Variants in CAMTA1 observed in about 807,000 individuals in gnomAD.
The protein encoded by CAMTA1 is calmodulin-binding transcription activator 1.
Under a neutral mutation model 170.9 loss-of-function variants are expected in CAMTA1, and 27 were observed. That is an observed-to-expected ratio of 0.16 (90% confidence interval 0.12 to 0.22). The LOEUF is 0.22. Ranked by LOEUF, CAMTA1 falls within the 10% of genes least tolerant of loss-of-function variation. The pLI, the probability that CAMTA1 is intolerant of heterozygous loss-of-function variation, is 1.00. For missense variants in CAMTA1, 1,619 were observed against 2,217.2 expected (o/e 0.73, Z 5.42); for synonymous variants, 833 against 891.5 (o/e 0.93, Z 1.17).
Position 6,946,177 on chromosome 1 carries a change from T to G in CAMTA1, c.234+120967T>G, listed in dbSNP as rs1043574360. 7.5e-5 allele frequency among the ~76,000 whole-genome samples: 11 copies of G among 146,328 alleles called. 1 individual carries two copies. Among genetic ancestry groups the G allele is most frequent in the Non-Finnish European group, 4.5e-5 (3 of 67,326 alleles). On this transcript the variant is annotated intron_variant, in intron 3 of 22. Coordinates refer to ENST00000303635, the MANE Select transcript of CAMTA1 (RefSeq NM_015215.4). ...ACATCCTCAGGTGATATTATTGTCT[T>G]TCTTTCTCTTCTTTTTTTTTTTTTC...
intron 3 of CAMTA1, among the ~76,000 whole-genome samples, chr1:6,974,434 A>G (rs79726600): frequency 0.014 from 2,109 of 152,346 alleles, 36 homozygotes; most frequent in Middle Eastern, 0.041. Context: ...GGGGTGGCAC[A>G]CAGCATGGTG....
rs146615122 is a variant in CAMTA1, at chr1:7,449,530, A to G, written c.439-18300A>G. Among the ~76,000 whole-genome samples the G allele has an allele frequency of 8.4e-3, 1,286 of 152,210 alleles. 21 individuals are homozygous for G. Among genetic ancestry groups the G allele is most frequent in the African/African-American group, 0.029 (1,223 of 41,530 alleles). ...CAGCCCTATAATCCCAGCACTTTGGAAGGCCAAGGCGGGCGGATCAATTGA... is the reference window on the plus strand; with the variant it reads ...CAGCCCTATAATCCCAGCACTTTGGGAGGCCAAGGCGGGCGGATCAATTGA... On this transcript the variant is annotated intron_variant, in intron 5 of 22. Transcript: ENST00000303635.
At chr1:7,466,260 A>G (rs192896317) in intron 5 of CAMTA1, among the ~76,000 whole-genome samples, 1 of 152,300 alleles carries the variant, frequency 6.6e-6, no homozygotes, top group Non-Finnish European at 1.5e-5. Context: ...AAGAAAGAAT[A>G]TTGCTTTCTT....
chr1:7,571,400 CAG>C (rs1342967731), intron 6 of CAMTA1, among the ~76,000 whole-genome samples: 1 of 152,188 alleles, frequency 6.6e-6, no homozygotes, highest in African/African-American at 2.4e-5. Context: ...ACTTGTGTCA[CAG>C]GGGTTTGGCC....
intron 7 of CAMTA1, among the ~76,000 whole-genome samples, chr1:7,652,345 G>A (rs1332927050): frequency 6.6e-6 from 1 of 152,012 alleles, no homozygotes; most frequent in East Asian, 1.9e-4. Context: ...CCAAGAGCAA[G>A]TCCCCATCAG....
intron 5 of CAMTA1, among the ~76,000 whole-genome samples, chr1:7,434,725 C>G (rs1441241236): frequency 3.3e-5 from 5 of 152,114 alleles, no homozygotes; most frequent in Admixed American, 3.3e-4. Context: ...CCTTCTTGCT[C>G]TGTCCCCGAG....
intron 5 of CAMTA1, among the ~76,000 whole-genome samples, chr1:7,307,544 T>G (rs1398894301): frequency 6.6e-6 from 1 of 152,070 alleles, no homozygotes; most frequent in African/African-American, 2.4e-5. Flanking sequence ...TTCAAGTCTT[T>G]CACCATTAAG....
chr1:7,406,432 C>T (rs766798824), intron 5 of CAMTA1, among the ~76,000 whole-genome samples: 11 of 152,146 alleles, frequency 7.2e-5, no homozygotes, highest in Non-Finnish European at 1.0e-4. Flanking sequence ...GATGAACAAT[C>T]GGGATAGGGA....
chr1:7,699,561 A>T (rs1406409512), intron 11 of CAMTA1, among the ~76,000 whole-genome samples: 1 of 152,216 alleles, frequency 6.6e-6, no homozygotes, highest in African/African-American at 2.4e-5. Flanking sequence ...GTCACATCAT[A>T]ACTTTATAAT....
intron 3 of CAMTA1, chr1:6,853,037 C>G (rs528562797): frequency 6.6e-6 from 1 of 152,212 alleles, no homozygotes; most frequent in South Asian, 2.1e-4. Context: ...ATATATGTTT[C>G]TTATTATATC....
chr1:7,517,077 C>CT (rs1291033828), intron 6 of CAMTA1, among the ~76,000 whole-genome samples: 2 of 152,160 alleles, frequency 1.3e-5, no homozygotes, highest in Admixed American at 6.5e-5. Context: ...TTGTAATCTA[C>CT]TTTTTTTGCT....
At chr1:7,365,763 G>A (rs1414497441) in intron 5 of CAMTA1, among the ~76,000 whole-genome samples, 1 of 152,202 alleles carries the variant, frequency 6.6e-6, no homozygotes, top group African/African-American at 2.4e-5. Flanking sequence ...AACTGATTCT[G>A]GGATCTTGGG....
intron 3 of CAMTA1, among the ~76,000 whole-genome samples, chr1:6,898,289 C>T (rs1035388219): frequency 1.1e-4 from 16 of 152,162 alleles, no homozygotes; most frequent in African/African-American, 3.9e-4. Context: ...CACGGTGGCT[C>T]AAACCTGTAA....
intron 3 of CAMTA1, among the ~76,000 whole-genome samples, chr1:6,961,554 G>A (rs1398042546): frequency 6.6e-6 from 1 of 151,854 alleles, no homozygotes; most frequent in African/African-American, 2.4e-5. Flanking sequence ...GCTGAGCCGG[G>A]GGCGTGAGAG....
intron 3 of CAMTA1, among the ~76,000 whole-genome samples, chr1:6,855,143 T>C (rs1230367567): frequency 6.6e-6 from 1 of 151,952 alleles, no homozygotes; most frequent in Non-Finnish European, 1.5e-5. Flanking sequence ...ATAAGCTAGG[T>C]TGCAAGATTC....
At chr1:7,461,081 C>T (rs997104836) in intron 5 of CAMTA1, among the ~76,000 whole-genome samples, 8 of 152,158 alleles carry the variant, frequency 5.3e-5, no homozygotes, top group Non-Finnish European at 8.8e-5. Flanking sequence ...CCCCTGTCTG[C>T]CGCCCCCGCG....
intron 5 of CAMTA1, among the ~76,000 whole-genome samples, chr1:7,283,814 C>A (rs1032545775): frequency 6.6e-6 from 1 of 152,190 alleles, no homozygotes; most frequent in Non-Finnish European, 1.5e-5. Context: ...CTACCACCAC[C>A]AGGACATCAT....
intron 1 of CAMTA1, among the ~76,000 whole-genome samples, chr1:6,790,820 A>G (rs924832951): frequency 2.6e-5 from 4 of 152,194 alleles, no homozygotes; most frequent in African/African-American, 7.2e-5. Flanking sequence ...GGTACAGGTT[A>G]GGTATAAATA....
intron 3 of CAMTA1, among the ~76,000 whole-genome samples, chr1:7,078,414 C>T (rs922170568): frequency 2.6e-5 from 4 of 152,126 alleles, no homozygotes; most frequent in South Asian, 2.1e-4. Flanking sequence ...GGTATTGAGT[C>T]GTCTTCAGAC....
Sources: gnomAD v4.1 joint callset for allele counts (sites outside exome capture counted in the v4.1 genomes callset) on GRCh38, gnomAD v4.1.1 for gene constraint, MANE v1.5 for transcripts, NCBI Gene and HGNC (gene_info 2026-07-23, HGNC 2026-07-21) for gene names.